Variants in SAP18 observed in about 807,000 individuals in gnomAD.
SAP18 encodes the protein histone deacetylase complex subunit SAP18.
SAP18 carries 4 observed loss-of-function variants against 18.6 expected under a neutral mutation model. The ratio of observed to expected loss-of-function variants is 0.21; its 90% CI spans 0.11 to 0.49. The LOEUF is 0.49. Among genes scored for constraint, SAP18 ranks in the 20% least tolerant of loss-of-function variants. The pLI is 0.98. For synonymous variants in SAP18, 112 were observed against 82.8 expected (o/e 1.35, Z -1.92); for missense variants, 170 against 226.4 (o/e 0.75, Z 1.60).
At chr13:21,147,541 T>G in exon 4 of SAP18, 1 of 563,312 alleles carries the variant, frequency 1.8e-6, no homozygotes, top group East Asian at 3.1e-5. Flanking sequence ...CTGTAAAATA[T>G]GAAGAAAAGT....
intron 2 of SAP18, chr13:21,146,537 C>T (rs143687797): frequency 1.1e-3 from 276 of 253,284 alleles, no homozygotes; most frequent in Non-Finnish European, 1.3e-3. Flanking sequence ...TGTGTAGCAA[C>T]AGAAGATAGC....
intron 2 of SAP18, among the ~76,000 whole-genome samples, chr13:21,145,065 C>CTTTTTT (rs1167195491): frequency 2.3e-5 from 3 of 127,736 alleles, no homozygotes; most frequent in Non-Finnish European, 3.3e-5. Context: ...TTCTTGACCT[C>CTTTTTT]TTTTTTTTTT....
intron 2 of SAP18, among the ~76,000 whole-genome samples, chr13:21,146,039 C>T (rs1869637949): frequency 6.6e-6 from 1 of 152,120 alleles, no homozygotes; most frequent in Non-Finnish European, 1.5e-5. Flanking sequence ...ACAATTCTAT[C>T]TAAGAAAGAA....
At chr13:21,140,573 A>G (rs764614475) in exon 1 of SAP18, 14 of 1,603,286 alleles carry the variant, frequency 8.7e-6, no homozygotes, top group Admixed American at 3.4e-5. Flanking sequence ...CAGGGGTCGG[A>G]GGTCAGGGCG....
At chr13:21,141,032 G>A (rs1485514919) in intron 2 of SAP18, 37 bp downstream of exon 2, 3 of 1,285,778 alleles carry the variant, frequency 2.3e-6, no homozygotes, top group Non-Finnish European at 3.4e-6. Flanking sequence ...ACCCGGGCCG[G>A]GAACCTGGAA....
chr13:21,146,608 G>A (rs1869658826), intron 2 of SAP18, 197 bp from the exon 3 acceptor site: 1 of 391,220 alleles, frequency 2.6e-6, no homozygotes, highest in Non-Finnish European at 4.6e-6. Flanking sequence ...ATTTCCAGCA[G>A]TAAGGCTGGT....
At chr13:21,146,087 A>C (rs1241699570) in intron 2 of SAP18, among the ~76,000 whole-genome samples, 1 of 152,270 alleles carries the variant, frequency 6.6e-6, no homozygotes, top group East Asian at 1.9e-4. Flanking sequence ...TCACGCTTGT[A>C]ATCAATCCCA....
intron 2 of SAP18, among the ~76,000 whole-genome samples, chr13:21,145,970 A>G (rs1249469619): frequency 6.6e-6 from 1 of 152,248 alleles, no homozygotes; most frequent in Admixed American, 6.5e-5. Context: ...CCTGTGCTTC[A>G]TTGTAAGAAA....
chr13:21,144,857 T>A (rs1458410501), intron 2 of SAP18, among the ~76,000 whole-genome samples: 1 of 151,890 alleles, frequency 6.6e-6, no homozygotes, highest in Admixed American at 6.6e-5. Context: ...GTGATATAAA[T>A]CCCCCAAATT....
intron 2 of SAP18, among the ~76,000 whole-genome samples, chr13:21,145,054 G>A (rs1443433680): frequency 1.4e-5 from 2 of 148,114 alleles, no homozygotes; most frequent in Non-Finnish European, 3.0e-5. Flanking sequence ...GCACACATAA[G>A]TTCTTGACCT....
At chr13:21,142,217 G>A (rs1462367495) in intron 2 of SAP18, among the ~76,000 whole-genome samples, 2 of 150,778 alleles carry the variant, frequency 1.3e-5, no homozygotes, top group Non-Finnish European at 3.0e-5. Context: ...AACCTGGGAA[G>A]TGGAAGTTGC....
rs569198150 is a variant in SAP18, at chr13:21,148,143, T to G, written c.*801T>G. ...GCTAGGTAGTGGCGTGCATCTGATC[T>G]GAGAGGCAGTAAAGCAGTGATGAAG... On this transcript the variant is annotated 3_prime_UTR_variant, in exon 4 of 4. Transcript: ENST00000621421. 3 of 152,054 alleles carry G rather than the reference T, an allele frequency of 2.0e-5. No homozygotes were observed. In the East Asian group the frequency reaches 5.8e-4, roughly 29 times the overall value. The allele number at this position is 152,054 out of a possible 1,614,324, so 9.4% of individuals were successfully genotyped here. A position where few individuals can be genotyped will look rare whatever the true frequency, so the allele number is the denominator to read the frequency against.
chr13:21,140,414 T>A, upstream of SAP18: 1 of 951,704 alleles, frequency 1.1e-6, no homozygotes, highest in Non-Finnish European at 1.5e-6. Context: ...AGCACCCGCC[T>A]TTTCCCGAAG....
At chr13:21,142,835 A>G (rs930545412) in intron 2 of SAP18, among the ~76,000 whole-genome samples, 1 of 152,106 alleles carries the variant, frequency 6.6e-6, no homozygotes, top group Non-Finnish European at 1.5e-5. Context: ...CTACAGGCAC[A>G]CACCACCATG....
chr13:21,147,324 G>A (rs747213464), exon 4 of SAP18: 2 of 1,611,890 alleles, frequency 1.2e-6, no homozygotes, highest in Admixed American at 1.7e-5. Flanking sequence ...CTCCTTCAGG[G>A]CGCATGAGAC....
At chr13:21,140,401 G>A (rs1869400058), upstream of SAP18, 3 of 791,566 alleles carry the variant, frequency 3.8e-6, no homozygotes, top group South Asian at 3.7e-5. Context: ...CCCCGCGGAC[G>A]TCAGCACCCG....
chr13:21,146,768 T>C, intron 2 of SAP18, 37 bp from the exon 3 acceptor site: 8 of 1,516,988 alleles, frequency 5.3e-6, no homozygotes, highest in Non-Finnish European at 6.3e-6. Flanking sequence ...TGCTGATTAA[T>C]AAGCAAATGT....
At chr13:21,145,903 A>T (rs188753409) in intron 2 of SAP18, among the ~76,000 whole-genome samples, 8 of 152,242 alleles carry the variant, frequency 5.3e-5, no homozygotes, top group Non-Finnish European at 1.2e-4. Context: ...TCAGGGGACT[A>T]TATGAAAGTT....
At chr13:21,141,462 C>G (rs1239816466) in intron 2 of SAP18, 1 of 171,414 alleles carries the variant, frequency 5.8e-6, no homozygotes, top group South Asian at 1.1e-4. Context: ...TACCAAAACC[C>G]GAGTTATTTC....
Sources: allele counts gnomAD v4.1 joint callset (sites outside exome capture counted in the v4.1 genomes callset), GRCh38; gene constraint gnomAD v4.1.1; transcripts MANE v1.5; gene names NCBI Gene and HGNC (gene_info 2026-07-23, HGNC 2026-07-21).